PRIM2: variants seen among roughly 807,000 people sequenced by gnomAD.
PRIM2 encodes the protein DNA primase large subunit.
PRIM2 carries 39 observed loss-of-function variants against 67.3 expected under a neutral mutation model. The observed-to-expected ratio is 0.58, with a 90% CI of 0.45 to 0.76. The LOEUF is 0.76. Among genes scored for constraint, PRIM2 ranks in the 30% least tolerant of loss-of-function variants. PRIM2 has a pLI of 0.00. For synonymous variants in PRIM2, 143 were observed against 198.7 expected (o/e 0.72, Z 2.36); for missense variants, 398 against 598.7 (o/e 0.66, Z 3.50).
At chr6:57,322,944 G>A (rs1469250957) in intron 3 of PRIM2, among the ~76,000 whole-genome samples, 1 of 152,192 alleles carries the variant, frequency 6.6e-6, no homozygotes, top group Admixed American at 6.5e-5. Context: ...AAGTGAGGAA[G>A]GAGATGATTT....
chr6:57,602,777 T>C (rs1257484108), intron 11 of PRIM2, among the ~76,000 whole-genome samples: 26 of 152,364 alleles, frequency 1.7e-4, no homozygotes, highest in Non-Finnish European at 2.8e-4. Flanking sequence ...TCAAGAAATA[T>C]TATACTTAGC....
At chr6:57,422,706 C>T (rs942039546) in intron 7 of PRIM2, among the ~76,000 whole-genome samples, 2 of 148,102 alleles carry the variant, frequency 1.4e-5, no homozygotes. Flanking sequence ...TGATGGAATT[C>T]TTTTTTTTTT....
At chr6:57,516,655 G>A (rs1196166548) in intron 8 of PRIM2, among the ~76,000 whole-genome samples, 1 of 152,118 alleles carries the variant, frequency 6.6e-6, no homozygotes, top group East Asian at 1.9e-4. Context: ...TTACATTATA[G>A]TGGCTGAGAT....
intron 7 of PRIM2, among the ~76,000 whole-genome samples, chr6:57,478,209 T>A (rs1773524925): frequency 6.6e-6 from 1 of 152,218 alleles, no homozygotes; most frequent in South Asian, 2.1e-4. Context: ...TTACTCTATA[T>A]TCCTTTTCTC....
chr6:57,552,393 G>C (rs1156667931), intron 10 of PRIM2, among the ~76,000 whole-genome samples: 2 of 151,942 alleles, frequency 1.3e-5, no homozygotes, highest in Non-Finnish European at 2.9e-5. Context: ...TCAAGTCTTT[G>C]ATCCCTGTAG....
chr6:57,244,875 C>T, the PRIM2 span, among the ~76,000 whole-genome samples: 1 of 152,168 alleles, frequency 6.6e-6, no homozygotes, highest in Non-Finnish European at 1.5e-5. Flanking sequence ...CGTTTTATTG[C>T]CATGTCTCTA....
chr6:57,366,361 G>C (rs918729170), intron 5 of PRIM2, among the ~76,000 whole-genome samples: 1 of 152,156 alleles, frequency 6.6e-6, no homozygotes, highest in African/African-American at 2.4e-5. Flanking sequence ...GAGTTTAAAG[G>C]CCTGGGATAA....
the PRIM2 span, among the ~76,000 whole-genome samples, chr6:57,266,241 C>T: frequency 6.6e-6 from 1 of 152,162 alleles, no homozygotes; most frequent in East Asian, 1.9e-4. Context: ...TTCATGTGGG[C>T]AGCTTCATGT....
At chr6:57,308,554 C>T in the PRIM2 span, among the ~76,000 whole-genome samples, 1 of 152,162 alleles carries the variant, frequency 6.6e-6, no homozygotes, top group Admixed American at 6.5e-5. Context: ...AGACTAGAAT[C>T]ACATAGTGGG....
chr6:57,266,729 G>T, the PRIM2 span, among the ~76,000 whole-genome samples: 1 of 152,320 alleles, frequency 6.6e-6, no homozygotes, highest in African/African-American at 2.4e-5. Context: ...TGTAAAAATA[G>T]TCTATGTCGC....
chr6:57,642,114 A>G (rs1777247580), intron 13 of PRIM2, among the ~76,000 whole-genome samples: 1 of 152,208 alleles, frequency 6.6e-6, no homozygotes, highest in African/African-American at 2.4e-5. Flanking sequence ...CATCATTCTC[A>G]GCAAACTAAC....
chr6:57,399,670 G>A (rs113080035), intron 7 of PRIM2, among the ~76,000 whole-genome samples: 1 of 141,490 alleles, frequency 7.1e-6, no homozygotes, highest in Non-Finnish European at 1.6e-5. Flanking sequence ...GTGTAAAATT[G>A]TTCTTATTTC....
At chr6:57,523,410 T>G (rs1202466410) in intron 8 of PRIM2, among the ~76,000 whole-genome samples, 11 of 152,260 alleles carry the variant, frequency 7.2e-5, no homozygotes, top group African/African-American at 2.7e-4. Context: ...TATGCCTCCA[T>G]GATTGCCTTG....
chr6:57,498,039 A>G (rs1774045865), intron 7 of PRIM2, among the ~76,000 whole-genome samples: 1 of 152,298 alleles, frequency 6.6e-6, no homozygotes, highest in South Asian at 2.1e-4. Flanking sequence ...TTAAAAGAGC[A>G]GCTGCTTGTA....
the PRIM2 span, among the ~76,000 whole-genome samples, chr6:57,254,405 T>A: frequency 2.6e-5 from 4 of 152,192 alleles, no homozygotes; most frequent in Admixed American, 6.5e-5. Context: ...TCACACTTCC[T>A]CACCACAACT....
At chr6:57,386,244 C>G (rs975591773) in intron 7 of PRIM2, among the ~76,000 whole-genome samples, 1 of 150,920 alleles carries the variant, frequency 6.6e-6, no homozygotes, top group Non-Finnish European at 1.5e-5. Flanking sequence ...ACAACAACAA[C>G]AGCAACAACA....
rs1324094125 is a variant in PRIM2, at chr6:57,416,585, A to T, written c.693+34417A>T. On this transcript the variant is annotated intron_variant, in intron 7 of 13. Transcript: ENST00000615550. Reference sequence around the variant, plus strand: ...ACTTCTCTCTAGCTATGAAAGTCCTATATGGCATCTTCTTCCAGTATTAGG... The same window carrying T: ...ACTTCTCTCTAGCTATGAAAGTCCTTTATGGCATCTTCTTCCAGTATTAGG... 2.0e-5 allele frequency among the ~76,000 whole-genome samples: 3 copies of T among 152,322 alleles called. No homozygotes were observed. In the East Asian group the frequency reaches 5.8e-4, roughly 29 times the overall value.
chr6:57,554,697 T>C (rs2127476051), intron 10 of PRIM2, among the ~76,000 whole-genome samples: 1 of 152,386 alleles, frequency 6.6e-6, no homozygotes, highest in Non-Finnish European at 1.5e-5. Context: ...TCTTAGTATA[T>C]ATTCGTTGGC....
At chr6:57,259,109 A>C in the PRIM2 span, among the ~76,000 whole-genome samples, 5 of 152,238 alleles carry the variant, frequency 3.3e-5, no homozygotes, top group Non-Finnish European at 5.9e-5. Flanking sequence ...GATAAATCTC[A>C]GGTTTAGAAG....
Sources: allele counts gnomAD v4.1 joint callset (sites outside exome capture counted in the v4.1 genomes callset), GRCh38; gene constraint gnomAD v4.1.1; transcripts MANE v1.5; gene names NCBI Gene and HGNC (gene_info 2026-07-23, HGNC 2026-07-21).